Variants in LATS2 observed in about 807,000 individuals in gnomAD.
The protein encoded by LATS2 is large tumor suppressor kinase 2, also known as serine/threonine-protein kinase LATS2.
Under a neutral mutation model 76.0 loss-of-function variants are expected in LATS2, and 24 were observed. The observed-to-expected ratio is 0.32, with a 90% CI of 0.23 to 0.44. The LOEUF is 0.44. LATS2 is among the 20% of genes least tolerant of loss of function. The probability of loss-of-function intolerance (pLI) is 1.00; values close to 1 mark genes in which losing one functional copy is unlikely to be tolerated. For missense variants in LATS2, 1,286 were observed against 1,481.2 expected, an observed-to-expected ratio of 0.87 and a Z score of 2.16; for synonymous variants, 692 against 635.4, an observed-to-expected ratio of 1.09 and a Z score of -1.34.
rs568022121 is a variant in LATS2, at chr13:21,036,783, CAACAACAACAAAA to C, written c.342+8889_342+8901del. On this transcript the variant is annotated intron_variant, in intron 2 of 7. Transcript: ENST00000382592. Reference sequence around the variant, plus strand: ...GCAAAACTCCGTCTCAAAACAACAACAACAACAACAAAAAACAACAACAAAAAAGCCAACTATT... The same window carrying C: ...GCAAAACTCCGTCTCAAAACAACAACAACAACAACAAAAAAGCCAACTATT... Among the ~76,000 whole-genome samples, 49 of 151,990 alleles carry C rather than the reference CAACAACAACAAAA, an allele frequency of 3.2e-4. No individual in the cohort carries two copies. In the South Asian group the frequency reaches 4.4e-3, roughly 14 times the overall value.
intron 2 of LATS2, among the ~76,000 whole-genome samples, chr13:21,040,108 C>T (rs1197676535): frequency 6.6e-6 from 1 of 151,492 alleles, no homozygotes; most frequent in African/African-American, 2.4e-5. Flanking sequence ...AATTTCTGAC[C>T]AGGCATGGTG....
At chr13:21,007,754 A>ATT (rs1871409443) in intron 2 of LATS2, among the ~76,000 whole-genome samples, 1 of 6,650 alleles carries the variant, frequency 1.5e-4, no homozygotes, top group Non-Finnish European at 2.9e-4. Context: ...ATATATATAT[A>ATT]TATATATTTT....
intron 2 of LATS2, among the ~76,000 whole-genome samples, chr13:21,010,033 C>T (rs1871522624): frequency 6.6e-6 from 1 of 152,156 alleles, no homozygotes; most frequent in African/African-American, 2.4e-5. Flanking sequence ...AACCCTGTCT[C>T]TACTAAAAAT....
At position 21,030,312 on chromosome 13, in the gene LATS2, G is replaced by T. The variant is rs184529778; in HGVS notation, c.342+15373C>A. Among the ~76,000 whole-genome samples, 339 of 151,846 alleles carry T rather than the reference G, an allele frequency of 2.2e-3. 2 individuals carry two copies. Among genetic ancestry groups the T allele is most frequent in the Middle Eastern group, 3.4e-3 (1 of 290 alleles). ...CACTAGAAAAGGAACTCTGCTGGCCGGGCGTGGTGGCTCACACCTGTAATC... is the reference window on the plus strand; with the variant it reads ...CACTAGAAAAGGAACTCTGCTGGCCTGGCGTGGTGGCTCACACCTGTAATC... On this transcript the variant is annotated intron_variant, in intron 2 of 7. Transcript: ENST00000382592.
intron 2 of LATS2, among the ~76,000 whole-genome samples, chr13:20,997,916 T>G (rs1233067162): frequency 6.6e-6 from 1 of 152,234 alleles, no homozygotes; most frequent in Non-Finnish European, 1.5e-5. Flanking sequence ...CAGCCCTTCC[T>G]GGTAAGGAAG....
Position 20,974,787 on chromosome 13 carries a change from G to T in LATS2, c.*83C>A. 1 of 1,425,548 alleles carries T rather than the reference G, an allele frequency of 7.0e-7. No homozygotes were observed. The highest frequency in any genetic ancestry group is 9.5e-7 in the Non-Finnish European group (1 of 1,055,696). The allele number at this position is 1,425,548 out of a possible 1,614,324, so 88.3% of individuals were successfully genotyped here. A position where few individuals can be genotyped will look rare whatever the true frequency, so the allele number is the denominator to read the frequency against. Reference sequence around the variant, plus strand: ...ACTAATTTAAAACAAAACAGCCCTCGGCTTCCCTATTGGCCTGTGAGGGCA... The same window carrying T: ...ACTAATTTAAAACAAAACAGCCCTCTGCTTCCCTATTGGCCTGTGAGGGCA... On this transcript the variant is annotated 3_prime_UTR_variant, in exon 8 of 8. Transcript: ENST00000382592.
intron 2 of LATS2, among the ~76,000 whole-genome samples, chr13:21,034,161 G>A (rs1004863455): frequency 2.6e-5 from 4 of 152,130 alleles, no homozygotes; most frequent in African/African-American, 4.8e-5. Flanking sequence ...CTGGTCAGCG[G>A]GAAAACTCAT....
chr13:21,052,822 C>T (rs1873319677), intron 1 of LATS2, among the ~76,000 whole-genome samples: 1 of 152,204 alleles, frequency 6.6e-6, no homozygotes, highest in South Asian at 2.1e-4. Context: ...GCATCTGAGC[C>T]TCAAGATGCT....
intron 2 of LATS2, among the ~76,000 whole-genome samples, chr13:21,009,842 G>T (rs568393904): frequency 6.6e-6 from 1 of 152,246 alleles, no homozygotes; most frequent in East Asian, 1.9e-4. Flanking sequence ...GTCCTTAGGT[G>T]TCCCCAGGCC....
At chr13:20,989,594 C>A (rs1244163512) in intron 3 of LATS2, among the ~76,000 whole-genome samples, 3 of 152,166 alleles carry the variant, frequency 2.0e-5, no homozygotes, top group Non-Finnish European at 4.4e-5. Context: ...GTCCCTGCCC[C>A]CTGGGGACCA....
rs1304651803 is a variant in LATS2 at position 20,974,032 on chromosome 13, A to C, written c.*838T>G. Reference sequence around the variant, plus strand: ...CACACACAAATCACTTCTCAGTTACACATCTGCATTTCTTTAACAAAACAG... The same window carrying C: ...CACACACAAATCACTTCTCAGTTACCCATCTGCATTTCTTTAACAAAACAG... On this transcript the variant is annotated 3_prime_UTR_variant, in exon 8 of 8. Transcript: ENST00000382592. 4.7e-6 allele frequency: 1 copy of C among 211,104 alleles called. No individual in the cohort carries two copies. Among genetic ancestry groups the C allele is most frequent in the Non-Finnish European group, 9.3e-6 (1 of 107,764 alleles). The allele number at this position is 211,104 out of a possible 1,614,324, so 13.1% of individuals were successfully genotyped here. A position where few individuals can be genotyped will look rare whatever the true frequency, so the allele number is the denominator to read the frequency against.
In LATS2 at chr13:20,974,836, G is replaced by C. The variant is rs764237058; in HGVS notation, c.*34C>G. On this transcript the variant is annotated 3_prime_UTR_variant, in exon 8 of 8. Transcript: ENST00000382592. ...CACCGGCTCCGGGACCCTGACCTGG[G>C]AGGCAGCGAGTGGTGGGGGTGCCTG... 13 of 1,571,780 alleles carry C rather than the reference G, an allele frequency of 8.3e-6. No homozygotes were observed. The South Asian group carries it at 1.3e-4, about 16-fold the overall frequency.
chr13:20,976,537 G>C, intron 7 of LATS2, among the ~76,000 whole-genome samples: 1 of 152,256 alleles, frequency 6.6e-6, no homozygotes, highest in Non-Finnish European at 1.5e-5. Context: ...TTCAAAACAT[G>C]TATTTGAAAA....
At chr13:20,987,849 GA>G in intron 4 of LATS2, 31 bp downstream of exon 4, 1 of 1,599,200 alleles carries the variant, frequency 6.3e-7, no homozygotes, top group Non-Finnish European at 8.5e-7. Context: ...GATGAGCCGG[GA>G]ACAAATAGTA....
intron 6 of LATS2, among the ~76,000 whole-genome samples, chr13:20,980,003 G>A (rs1465263921): frequency 6.6e-6 from 1 of 151,906 alleles, no homozygotes. Flanking sequence ...TTAGGTTTTT[G>A]TATTTTTAAT....
chr13:20,988,639 G>A lies in LATS2; in HGVS notation c.1141C>T (p.Leu381=), dbSNP rs1216367582. ...GGCGCCTCCAGGCCCGGCTTCTGCA[G>A]GGAGTCCCGGCGGGCCAGGGTGGCA... ...PAATLARRDS[L]QKPGLEAPPR... is the part of the protein sequence containing the mutation. Residue 381 remains leucine, a synonymous_variant, in exon 4 of 8, where the codon CTG becomes TTG. Transcript: ENST00000382592. 3 of 1,585,390 alleles carry A rather than the reference G, an allele frequency of 1.9e-6. No individual in the cohort carries two copies. The highest frequency in any genetic ancestry group is 4.5e-5 in the East Asian group (2 of 44,336).
chr13:20,988,456 G>C lies in LATS2; in HGVS notation c.1324C>G (p.His442Asp). The change falls in exon 4 of 8, where the codon CAC (histidine) becomes GAC (aspartate). Residue 442 changes from histidine (H) to aspartate (D), a missense_variant. Around this residue, in one of 5 missense-constraint regions of LATS2, gnomAD observed 710 missense variants for 660.9 expected, o/e 1.07. Coordinates refer to ENST00000382592, the MANE Select transcript of LATS2 (RefSeq NM_014572.3). ...AGCACACGCACGCTCTTCACCGGGT[G>C]CAAGATGTGCGCGGCCGTGACAGCC... ...VTAVTAAHIL[H>D]PVKSVRVLRP... is the part of the protein sequence containing the mutation. 1.3e-6 allele frequency: 2 copies of C among 1,528,126 alleles called. No individual in the cohort carries two copies. Among genetic ancestry groups the C allele is most frequent in the South Asian group, 1.2e-5 (1 of 83,508 alleles). 94.7% of individuals were successfully genotyped at this position (1,528,126 alleles called of 1,614,324 possible).
chr13:21,037,287 C>T (rs909044526), intron 2 of LATS2, among the ~76,000 whole-genome samples: 2 of 152,086 alleles, frequency 1.3e-5, no homozygotes, highest in Non-Finnish European at 2.9e-5. Flanking sequence ...GCCTGTAATT[C>T]CAGCTACTCA....
chr13:20,981,896 A>G (rs571404133), intron 5 of LATS2, among the ~76,000 whole-genome samples: 1 of 152,258 alleles, frequency 6.6e-6, no homozygotes, highest in South Asian at 2.1e-4. Context: ...ATCACAGGAC[A>G]CCATGCACCG....
Sources: allele counts gnomAD v4.1 joint callset (sites outside exome capture counted in the v4.1 genomes callset), GRCh38; gene constraint gnomAD v4.1.1; regional missense constraint gnomAD v4.1.1; transcripts MANE v1.5; gene names NCBI Gene and HGNC (gene_info 2026-07-23, HGNC 2026-07-21).